Variants in DHRS4L2 observed in about 807,000 individuals in gnomAD.
DHRS4L2 encodes the protein dehydrogenase/reductase 4 like 2, also known as dehydrogenase/reductase SDR family member 4-like 2.
A neutral mutation model predicts 23.9 loss-of-function variants in DHRS4L2; 22 were observed. The ratio of observed to expected loss-of-function variants is 0.92; its 90% confidence interval spans 0.66 to 1.31. DHRS4L2 has a LOEUF of 1.31. DHRS4L2 is among the 40% of genes most tolerant of loss of function. The pLI, the probability that DHRS4L2 is intolerant of heterozygous loss-of-function variation, is 0.00. For missense variants in DHRS4L2, 385 were observed against 303.3 expected, an observed-to-expected ratio of 1.27 and a Z score of -2.00; for synonymous variants, 141 against 123.7, an observed-to-expected ratio of 1.14 and a Z score of -0.93.
chr14:23,986,094 T>G (rs1341289102), upstream of DHRS4L2, among the ~76,000 whole-genome samples: 2 of 151,622 alleles, frequency 1.3e-5, no homozygotes, highest in South Asian at 2.1e-4. Flanking sequence ...TGACCTCAAG[T>G]GATCTGCCCA....
chr14:24,000,263 A>G (rs1407696666), intron 3 of DHRS4L2, among the ~76,000 whole-genome samples: 2 of 149,288 alleles, frequency 1.3e-5, no homozygotes, highest in Non-Finnish European at 3.0e-5. Context: ...AGAACAGTGT[A>G]AACAGGGTCA....
Position 23,997,028 on chromosome 14 carries a change from G to A in DHRS4L2, c.408+1895G>A, listed in dbSNP as rs540280570. On this transcript the variant is annotated intron_variant, in intron 3 of 7. Coordinates refer to ENST00000335125, the MANE Select transcript of DHRS4L2 (RefSeq NM_198083.4). The stretch of plus-strand genomic sequence containing the variant: ...TCAGTTTTAAACTAAGTACAGGCAC[G>A]CCTCAGAGATATTGTGGGTCTGGTT... Among the ~76,000 whole-genome samples the A allele has an allele frequency of 1.3e-3, 193 of 149,884 alleles. 2 individuals are homozygous for A. Among genetic ancestry groups the A allele is most frequent in the African/African-American group, 4.5e-3 (184 of 41,036 alleles).
At position 23,982,941 on chromosome 14, in the gene DHRS4L2, C is replaced by A. The variant is rs950353957; in HGVS notation, c.-175-7241C>A. ...AACCATAAAAACCCTAGAAGAAAAC[C>A]TAGGCCATACCATTCAGGACACGGG... On this transcript the variant is annotated intron_variant, in intron 1 of 5. Transcript: ENST00000534993. Among the ~76,000 whole-genome samples, 22 of 151,480 alleles carry A rather than the reference C, an allele frequency of 1.5e-4. 1 individual carries two copies. Among genetic ancestry groups the A allele is most frequent in the Admixed American group, 7.2e-4 (11 of 15,226 alleles).
upstream of DHRS4L2, among the ~76,000 whole-genome samples, chr14:23,988,220 T>C (rs2034188462): frequency 6.7e-6 from 1 of 150,076 alleles, no homozygotes; most frequent in Admixed American, 6.7e-5. Flanking sequence ...CCCGAGTTCT[T>C]TGCATTTCCA....
chr14:23,995,327 T>C (rs2034359289), intron 3 of DHRS4L2, among the ~76,000 whole-genome samples, 194 bp downstream of exon 3: 1 of 151,778 alleles, frequency 6.6e-6, no homozygotes, highest in Admixed American at 6.6e-5. Context: ...TCGTTTCTGC[T>C]GCTCCTAGTT....
chr14:23,983,644 A>G (rs936581893), intron 1 of DHRS4L2, among the ~76,000 whole-genome samples: 1 of 151,816 alleles, frequency 6.6e-6, no homozygotes, highest in African/African-American at 2.4e-5. Context: ...ATGCCCATCA[A>G]TGATAGACTG....
chr14:23,973,353 C>T lies in DHRS4L2; in HGVS notation c.-176+3021C>T, dbSNP rs538914691. Among the ~76,000 whole-genome samples the T allele has an allele frequency of 9.2e-5, 14 of 152,064 alleles. No individual in the cohort carries two copies. In the South Asian group the frequency reaches 1.9e-3, roughly 20 times the overall value. ...AAGTGCTGCGCACAGCCCCAGTTCC[C>T]GCCCATGCCTCTCCCTCCACACCTC... On this transcript the variant is annotated intron_variant, in intron 1 of 5. Coordinates refer to the DHRS4L2 transcript ENST00000534993.
intron 3 of DHRS4L2, among the ~76,000 whole-genome samples, chr14:23,995,872 A>C (rs2034372141): frequency 6.6e-6 from 1 of 151,734 alleles, no homozygotes; most frequent in South Asian, 2.1e-4. Flanking sequence ...TGCGTTTTAC[A>C]CTGATGTTGT....
rs542370685 is a variant in DHRS4L2, at chr14:23,975,586, A to G, written c.-176+5254A>G. Among the ~76,000 whole-genome samples, 3 of 151,726 alleles carry G rather than the reference A, an allele frequency of 2.0e-5. No homozygotes were observed. The South Asian group carries it at 6.2e-4, about 32-fold the overall frequency. On this transcript the variant is annotated intron_variant, in intron 1 of 5. Transcript: ENST00000534993. ...ACAGAATTGGAAAAAACTACTTTAA[A>G]TTTCATATGGAACCAAAAAAGAGCC...
At chr14:23,974,384 C>A (rs1467110505) in intron 1 of DHRS4L2, among the ~76,000 whole-genome samples, 2 of 150,446 alleles carry the variant, frequency 1.3e-5, no homozygotes, top group Non-Finnish European at 3.0e-5. Flanking sequence ...CAGAAGACAA[C>A]AAATAATGAT....
intron 3 of DHRS4L2, among the ~76,000 whole-genome samples, chr14:23,998,325 G>C (rs2034423012): frequency 6.6e-6 from 1 of 151,774 alleles, no homozygotes; most frequent in Admixed American, 6.6e-5. Context: ...TCAACTTAAA[G>C]TCACTGGCTG....
Position 24,000,906 on chromosome 14 carries a change from C to A in DHRS4L2, c.452C>A (p.Ala151Glu). ...NVKAPALMTK[A>E]VVPEMEKRGG... The stretch of plus-strand genomic sequence containing the variant: ...AAGGCCCCAGCCCTGATGACAAAGG[C>A]AGTGGTGCCAGAAATGGAGAAACGA... The change falls in exon 4 of 8, where the codon GCA becomes GAA. Residue 151 changes from alanine to glutamate, a missense_variant. Ala to Glu is a moderately radical substitution (Grantham distance 107, BLOSUM62 -1). Transcript: ENST00000335125. 3 of 1,611,068 alleles carry A rather than the reference C, an allele frequency of 1.9e-6. No homozygotes were observed. The highest frequency in any genetic ancestry group is 2.5e-6 in the Non-Finnish European group (3 of 1,179,222).
At chr14:23,995,849 T>A (rs560950484) in intron 3 of DHRS4L2, among the ~76,000 whole-genome samples, 1 of 151,998 alleles carries the variant, frequency 6.6e-6, no homozygotes, top group East Asian at 1.9e-4. Flanking sequence ...ATTTTTATGA[T>A]CTCCCATGGT....
upstream of DHRS4L2, among the ~76,000 whole-genome samples, chr14:23,984,661 G>T (rs1401548560): frequency 2.0e-5 from 3 of 151,092 alleles, no homozygotes; most frequent in East Asian, 5.8e-4. Flanking sequence ...TGAGCGAGGT[G>T]TTGTGCTAGC....
intron 1 of DHRS4L2, among the ~76,000 whole-genome samples, chr14:23,979,483 G>GT (rs2034022647): frequency 1.0e-5 from 1 of 95,566 alleles, no homozygotes; most frequent in Admixed American, 1.1e-4. Flanking sequence ...TCCACCCCAA[G>GT]TCAACAGAAT....
At chr14:23,992,230 A>G (rs1485733796) in intron 2 of DHRS4L2, among the ~76,000 whole-genome samples, 1 of 151,556 alleles carries the variant, frequency 6.6e-6, no homozygotes, top group African/African-American at 2.4e-5. Flanking sequence ...TCAGTGAGGA[A>G]GCTGTTGCTG....
chr14:23,983,504 C>T (rs1001867881), intron 1 of DHRS4L2, among the ~76,000 whole-genome samples: 1 of 151,584 alleles, frequency 6.6e-6, no homozygotes, highest in Non-Finnish European at 1.5e-5. Flanking sequence ...CCTGAAACAC[C>T]ATTTGACCCA....
intron 3 of DHRS4L2, among the ~76,000 whole-genome samples, chr14:23,997,723 G>A (rs1257930664): frequency 6.6e-6 from 1 of 150,602 alleles, no homozygotes; most frequent in Non-Finnish European, 1.5e-5. Context: ...TAGTTCTCTT[G>A]CTATTTCCAC....
At chr14:23,973,418 C>G (rs2033904221) in intron 1 of DHRS4L2, among the ~76,000 whole-genome samples, 1 of 151,944 alleles carries the variant, frequency 6.6e-6, no homozygotes, top group East Asian at 1.9e-4. Context: ...TCAGCCAGCC[C>G]AGAAAGGGGC....
Sources: gnomAD v4.1 joint callset for allele counts (sites outside exome capture counted in the v4.1 genomes callset) on GRCh38, gnomAD v4.1.1 for gene constraint, MANE v1.5 for transcripts, NCBI Gene and HGNC (gene_info 2026-07-23, HGNC 2026-07-21) for gene names.